SGCD: variants seen among roughly 807,000 people sequenced by gnomAD.
SGCD encodes sarcoglycan delta, also known as delta-sarcoglycan.
Under a neutral mutation model 36.6 loss-of-function variants are expected in SGCD, and 18 were observed. The observed-to-expected ratio is 0.49, with a 90% CI of 0.34 to 0.73. The LOEUF (loss-of-function observed/expected upper bound fraction) is 0.73. Ranked by LOEUF, SGCD falls within the 30% of genes least tolerant of loss-of-function variation. The probability of loss-of-function intolerance (pLI) is 0.01; values close to 1 mark genes in which losing one functional copy is unlikely to be tolerated. For synonymous variants in SGCD, 133 were observed against 130.6 expected (o/e 1.02, Z -0.12); for missense variants, 387 against 346.7 (o/e 1.12, Z -0.92).
intron 3 of SGCD, among the ~76,000 whole-genome samples, chr5:156,245,206 T>C (rs1162741933): frequency 6.6e-6 from 1 of 152,234 alleles, no homozygotes; most frequent in Non-Finnish European, 1.5e-5. Context: ...AAATATCTTC[T>C]CATTAATCTT....
intron 2 of SGCD, among the ~76,000 whole-genome samples, chr5:156,338,352 G>C (rs952903826): frequency 1.3e-5 from 2 of 152,198 alleles, no homozygotes; most frequent in African/African-American, 4.8e-5. Flanking sequence ...TATTAGACTA[G>C]AATATGTGCT....
chr5:156,098,980 T>C (rs1761450667), intron 1 of SGCD, among the ~76,000 whole-genome samples: 1 of 152,210 alleles, frequency 6.6e-6, no homozygotes, highest in Non-Finnish European at 1.5e-5. Context: ...GTTTGCCAGA[T>C]GTTGTCATAA....
the SGCD span, among the ~76,000 whole-genome samples, chr5:155,743,455 A>G: frequency 2.0e-5 from 3 of 152,216 alleles, no homozygotes; most frequent in Non-Finnish European, 4.4e-5. Context: ...ATTTCCCATT[A>G]TGTCACAATA....
chr5:156,313,398 GT>G (rs1411329808), intron 3 of SGCD, among the ~76,000 whole-genome samples: 1 of 151,876 alleles, frequency 6.6e-6, no homozygotes, highest in African/African-American at 2.4e-5. Flanking sequence ...TCTGGAAGTA[GT>G]TGTCAACATC....
At chr5:156,325,661 C>T (rs1034070024), upstream of SGCD, among the ~76,000 whole-genome samples, 2 of 152,216 alleles carry the variant, frequency 1.3e-5, no homozygotes, top group Non-Finnish European at 2.9e-5. Flanking sequence ...TTTCTAGCTT[C>T]AGCTCTGGTA....
chr5:155,830,667 A>C, the SGCD span, among the ~76,000 whole-genome samples: 1 of 152,084 alleles, frequency 6.6e-6, no homozygotes, highest in Non-Finnish European at 1.5e-5. Flanking sequence ...ACTCTTAAAA[A>C]CCTTATGATT....
intron 3 of SGCD, among the ~76,000 whole-genome samples, chr5:156,142,976 G>A (rs1411971894): frequency 6.6e-6 from 1 of 152,238 alleles, no homozygotes; most frequent in Non-Finnish European, 1.5e-5. Context: ...AGACAATGGG[G>A]AAACGGACTG....
chr5:156,075,186 A>G (rs1328024392), intron 1 of SGCD, among the ~76,000 whole-genome samples: 2 of 145,996 alleles, frequency 1.4e-5, no homozygotes, highest in African/African-American at 5.1e-5. Flanking sequence ...CATGTAGTCA[A>G]ATTTACAAAA....
In SGCD at chr5:156,259,138, A is replaced by T. The variant is rs562184646; in HGVS notation, c.-43-70396A>T. Among the ~76,000 whole-genome samples, 67 of 150,920 alleles carry T rather than the reference A, an allele frequency of 4.4e-4. No homozygotes were observed. In the South Asian group the frequency reaches 0.012, roughly 28 times the overall value. ...TGTTTATTTATTTATTTATTTATTT[A>T]TTTATTTATTTATTTTAACCATCCT... is the stretch of plus-strand genomic sequence containing the variant. On this transcript the variant is annotated intron_variant, in intron 3 of 9. Transcript: ENST00000517913.
chr5:155,792,433 C>CA, the SGCD span, among the ~76,000 whole-genome samples: 11,409 of 92,240 alleles, frequency 0.12, 1,127 homozygotes, highest in African/African-American at 0.26. Flanking sequence ...TTCTACATAG[C>CA]AAAAAAAAAA....
At chr5:155,859,952 G>A in the SGCD span, among the ~76,000 whole-genome samples, 2 of 152,198 alleles carry the variant, frequency 1.3e-5, no homozygotes, top group African/African-American at 4.8e-5. Flanking sequence ...GACATTTCCT[G>A]ACAATCCAGA....
At chr5:156,198,068 C>G (rs769694769) in intron 3 of SGCD, among the ~76,000 whole-genome samples, 15 of 152,006 alleles carry the variant, frequency 9.9e-5, no homozygotes, top group Non-Finnish European at 2.2e-4. Flanking sequence ...AAATATAGTG[C>G]GAACTTTAAA....
At chr5:156,665,266 A>G (rs1764105573) in intron 7 of SGCD, among the ~76,000 whole-genome samples, 1 of 151,836 alleles carries the variant, frequency 6.6e-6, no homozygotes, top group Admixed American at 6.6e-5. Flanking sequence ...TGGCCCCATT[A>G]ATTCTGGACC....
rs575903212 is a variant in SGCD, at chr5:155,949,062, A to G, written c.-282+78638A>G. Among the ~76,000 whole-genome samples the G allele has an allele frequency of 2.0e-3, 305 of 152,290 alleles. 1 individual carries two copies. The highest frequency in any genetic ancestry group is 3.4e-3 in the Middle Eastern group (1 of 294). On this transcript the variant is annotated intron_variant, in intron 1 of 9. Coordinates refer to the SGCD transcript ENST00000517913. ...GGCACATGTCCCTTTTCTCCATCAA[A>G]GAAACAAAACACTCCTTCTTCTCTT...
chr5:156,298,974 T>G (rs1766979540), intron 3 of SGCD, among the ~76,000 whole-genome samples: 1 of 152,216 alleles, frequency 6.6e-6, no homozygotes, highest in African/African-American at 2.4e-5. Flanking sequence ...TTTGCTGTGG[T>G]TGCCTGTGCA....
intron 3 of SGCD, among the ~76,000 whole-genome samples, chr5:156,359,231 G>C (rs1226024961): frequency 1.3e-5 from 2 of 152,118 alleles, no homozygotes; most frequent in African/African-American, 4.8e-5. Context: ...TTTCTTCTTT[G>C]GAGCTGGTTT....
At chr5:156,203,739 C>T (rs1475459289) in intron 3 of SGCD, among the ~76,000 whole-genome samples, 1 of 152,120 alleles carries the variant, frequency 6.6e-6, no homozygotes, top group Non-Finnish European at 1.5e-5. Flanking sequence ...AGGCCAACTG[C>T]TGAAATAACT....
At chr5:156,524,184 C>A (rs1201235486) in intron 4 of SGCD, among the ~76,000 whole-genome samples, 13 of 75,210 alleles carry the variant, frequency 1.7e-4, no homozygotes, top group African/African-American at 2.0e-4. Flanking sequence ...ATAGGTCTTA[C>A]TATATATATA....
At chr5:156,439,311 C>A (rs1753383276) in intron 3 of SGCD, among the ~76,000 whole-genome samples, 1 of 152,144 alleles carries the variant, frequency 6.6e-6, no homozygotes, top group Admixed American at 6.6e-5. Flanking sequence ...TTATCTTAAT[C>A]ATTGTGTGAC....
Sources: allele counts gnomAD v4.1 joint callset (sites outside exome capture counted in the v4.1 genomes callset), GRCh38; gene constraint gnomAD v4.1.1; transcripts MANE v1.5; gene names NCBI Gene and HGNC (gene_info 2026-07-23, HGNC 2026-07-21).